Variants in CDC6 observed in about 807,000 individuals in gnomAD.
The protein encoded by CDC6 is DNA replication factor CDC6.
CDC6 carries 46 observed loss-of-function variants against 60.2 expected under a neutral mutation model. The observed-to-expected ratio is 0.76, with a 90% CI of 0.60 to 0.98. The LOEUF is 0.98. CDC6 is among the 50% of genes least tolerant of loss of function. The probability of loss-of-function intolerance (pLI) is 0.00; values close to 1 mark genes in which losing one functional copy is unlikely to be tolerated. For synonymous variants in CDC6, 210 were observed against 233.2 expected, an observed-to-expected ratio of 0.90 and a Z score of 0.90; for missense variants, 596 against 652.9, an observed-to-expected ratio of 0.91 and a Z score of 0.95.
At chr17:40,289,375 T>TGACTA in intron 1 of CDC6, 33 bp from the exon 2 acceptor site, 1 of 1,512,628 alleles carries the variant, frequency 6.6e-7, no homozygotes, top group South Asian at 1.1e-5. Context: ...TTTCACATAT[T>TGACTA]GACTAGTTGT....
intron 5 of CDC6, 41 bp downstream of exon 5, chr17:40,293,672 C>T (rs371478954): frequency 8.2e-5 from 121 of 1,482,402 alleles, no homozygotes; most frequent in Non-Finnish European, 1.1e-4. Context: ...TGAAAATCTG[C>T]AAGGTCTGTT....
intron 1 of CDC6, 26 bp from the exon 2 acceptor site, chr17:40,289,382 T>C: frequency 2.6e-6 from 4 of 1,567,166 alleles, no homozygotes; most frequent in Non-Finnish European, 3.5e-6. Flanking sequence ...TATTGACTAG[T>C]TGTCCTCTTA....
intron 7 of CDC6, among the ~76,000 whole-genome samples, chr17:40,295,014 C>T (rs772656282): frequency 6.6e-6 from 1 of 152,122 alleles, no homozygotes; most frequent in African/African-American, 2.4e-5. Flanking sequence ...CATGAGCCAT[C>T]GCACCCAGCC....
rs149157160 is a variant in CDC6, at chr17:40,287,879, A to T, written c.-225A>T. ...GGCGGGAGGTGGGAACGCTGTGGCC[A>T]TTCGGATTTGGCGCGAGCGCGGCTG... On this transcript the variant is annotated 5_prime_UTR_variant, in exon 1 of 12. Transcript: ENST00000209728. The T allele has an allele frequency of 6.5e-6, 1 of 153,020 alleles. No individual in the cohort carries two copies. Among genetic ancestry groups the T allele is most frequent in the East Asian group, 1.9e-4 (1 of 5,206 alleles). 9.5% of individuals were successfully genotyped at this position (153,020 alleles called of 1,614,324 possible). A position where few individuals can be genotyped will look rare whatever the true frequency, so the allele number is the denominator to read the frequency against.
chr17:40,293,428 A>G, intron 4 of CDC6, 28 bp from the exon 5 acceptor site: 1 of 1,596,360 alleles, frequency 6.3e-7, no homozygotes, highest in Non-Finnish European at 8.6e-7. Context: ...GGCCAAAATA[A>G]CTCCCATATT....
intron 9 of CDC6, among the ~76,000 whole-genome samples, chr17:40,298,142 C>G (rs1268873886): frequency 1.3e-5 from 2 of 152,048 alleles, no homozygotes; most frequent in African/African-American, 4.8e-5. Flanking sequence ...AAAAATGTTT[C>G]AGAAGTAGCC....
chr17:40,299,372 T>C (rs1353600497), intron 9 of CDC6, among the ~76,000 whole-genome samples: 1 of 151,542 alleles, frequency 6.6e-6, no homozygotes, highest in African/African-American at 2.4e-5. Flanking sequence ...CACAGGCTGG[T>C]CATGAATTCC....
At chr17:40,301,666 A>G in intron 11 of CDC6, 58 bp downstream of exon 11, 7 of 1,557,218 alleles carry the variant, frequency 4.5e-6, no homozygotes, top group Non-Finnish European at 6.2e-6. Flanking sequence ...GAGTGATGCT[A>G]AAGTAAAGGT....
At chr17:40,288,602 T>C (rs866098690) in intron 1 of CDC6, among the ~76,000 whole-genome samples, 123 of 145,160 alleles carry the variant, frequency 8.5e-4, no homozygotes, top group Non-Finnish European at 1.3e-3. Context: ...TTTTTTTTTT[T>C]GAGACGGAGT....
chr17:40,290,033 C>G (rs191420965), intron 2 of CDC6, among the ~76,000 whole-genome samples: 1 of 152,206 alleles, frequency 6.6e-6, no homozygotes, highest in East Asian at 1.9e-4. Flanking sequence ...CCTAAGACTA[C>G]TCTTCATTTT....
rs1276370422 is a variant in CDC6 at position 40,302,145 on chromosome 17, T to C, written c.*144T>C. 2.8e-6 allele frequency: 2 copies of C among 703,784 alleles called. No individual in the cohort carries two copies. Among genetic ancestry groups the C allele is most frequent in the African/African-American group, 1.8e-5 (1 of 56,088 alleles). The allele number at this position is 703,784 out of a possible 1,614,324, so 43.6% of individuals were successfully genotyped here. A position where few individuals can be genotyped will look rare whatever the true frequency, so the allele number is the denominator to read the frequency against. On this transcript the variant is annotated 3_prime_UTR_variant, in exon 12 of 12. Coordinates refer to ENST00000209728, the MANE Select transcript of CDC6 (RefSeq NM_001254.4). ...CAATGAATTTTAATCTATAGATTCT[T>C]TAATATTAGCACAGAATAATATCTT...
In CDC6 at chr17:40,303,343, A is replaced by C. The variant is rs1012128926; in HGVS notation, c.*1342A>C. ...ATGTAAACCATGTGTGATACGAATGATCTGAGAGCCAGTGACCAAGTCTGC... is the reference window on the plus strand; with the variant it reads ...ATGTAAACCATGTGTGATACGAATGCTCTGAGAGCCAGTGACCAAGTCTGC... On this transcript the variant is annotated 3_prime_UTR_variant, in exon 12 of 12. Transcript: ENST00000209728. 1 of 152,218 alleles carries C rather than the reference A, an allele frequency of 6.6e-6. No homozygotes were observed. The highest frequency in any genetic ancestry group is 2.4e-5 in the African/African-American group (1 of 41,448). 9.4% of individuals were successfully genotyped at this position (152,218 alleles called of 1,614,324 possible).
chr17:40,301,090 G>A, intron 10 of CDC6, 60 bp downstream of exon 10: 1 of 1,221,218 alleles, frequency 8.2e-7, no homozygotes, highest in Non-Finnish European at 1.2e-6. Flanking sequence ...TTGCAGAGCA[G>A]GTATTTTCCA....
chr17:40,290,657 T>C (rs2032742232), intron 2 of CDC6, among the ~76,000 whole-genome samples: 1 of 152,168 alleles, frequency 6.6e-6, no homozygotes, highest in Admixed American at 6.5e-5. Flanking sequence ...GTTTTTGATT[T>C]GATAACCAAG....
rs998723410 is a variant in CDC6, at chr17:40,304,267, G to C, written c.*2266G>C. 1 of 152,246 alleles carries C rather than the reference G, an allele frequency of 6.6e-6. No homozygotes were observed. Among genetic ancestry groups the C allele is most frequent in the Non-Finnish European group, 1.5e-5 (1 of 68,046 alleles). 9.4% of individuals were successfully genotyped at this position (152,246 alleles called of 1,614,324 possible). A position where few individuals can be genotyped will look rare whatever the true frequency, so the allele number is the denominator to read the frequency against. ...TGCATGAAGCAGACTTAGTGTCCCTGCTTGGCTTCTGCTGCCCTTGTGGGA... is the reference window on the plus strand; with the variant it reads ...TGCATGAAGCAGACTTAGTGTCCCTCCTTGGCTTCTGCTGCCCTTGTGGGA... On this transcript the variant is annotated 3_prime_UTR_variant, in exon 12 of 12. Transcript: ENST00000209728.
intron 2 of CDC6, among the ~76,000 whole-genome samples, chr17:40,290,184 G>A (rs2032731939): frequency 6.6e-6 from 1 of 152,074 alleles, no homozygotes; most frequent in Admixed American, 6.6e-5. Flanking sequence ...AAGTTACCTT[G>A]TAGTTACATG....
In CDC6 at chr17:40,296,793, T is replaced by G. The variant is rs377003019; in HGVS notation, c.1249+26T>G. ...GTAAGTAGTTTATCTCCTTCCTGTC[T>G]TCCTTTGTAACTAGAAGCTTAGCTT... On this transcript the variant is annotated intron_variant, in intron 9 of 11. Transcript: ENST00000209728. The G allele has an allele frequency of 1.4e-5, 21 of 1,457,710 alleles. No homozygotes were observed. The African/African-American group carries it at 2.9e-4, about 20-fold the overall frequency. The allele number at this position is 1,457,710 out of a possible 1,614,324, so 90.3% of individuals were successfully genotyped here.
At chr17:40,297,555 A>G (rs1598517396) in intron 9 of CDC6, among the ~76,000 whole-genome samples, 1 of 152,188 alleles carries the variant, frequency 6.6e-6, no homozygotes, top group African/African-American at 2.4e-5. Flanking sequence ...GCAAGCCACC[A>G]TGGCACATGT....
intron 9 of CDC6, among the ~76,000 whole-genome samples, chr17:40,298,807 A>G (rs1294805505): frequency 6.6e-6 from 1 of 152,234 alleles, no homozygotes; most frequent in Admixed American, 6.5e-5. Flanking sequence ...TCCTTGAAAC[A>G]TAGTGGGTTC....
Sources: allele counts gnomAD v4.1 joint callset (sites outside exome capture counted in the v4.1 genomes callset), GRCh38; gene constraint gnomAD v4.1.1; transcripts MANE v1.5; gene names NCBI Gene and HGNC (gene_info 2026-07-23, HGNC 2026-07-21).